The following PROB1 variants were observed in gnomAD, a reference collection of about 807,000 sequenced individuals.
PROB1 encodes proline-rich basic protein 1.
For missense variants in PROB1, 1,453 were observed against 1,485.7 expected (o/e 0.98, Z 0.36); for synonymous variants, 660 against 699.3 (o/e 0.94, Z 0.89).
At position 139,394,647 on chromosome 5, in the gene PROB1, C is replaced by G; in HGVS notation, c.435G>C (p.Pro145=). The change falls in exon 1 of 1, where the codon CCG becomes CCC. Residue 145 remains proline (P), a synonymous_variant. Transcript: ENST00000434752. Reference sequence around the variant, plus strand: ...CCGCGGCGGGAGACGCTGGCCCCGGCGGCAAGGGGCTGATGAAGGCCGGCT... The same window carrying G: ...CCGCGGCGGGAGACGCTGGCCCCGGGGGCAAGGGGCTGATGAAGGCCGGCT... ...FTEPAFISPL[P]PGPASPAAVP... is the part of the protein sequence containing the mutation. 6.5e-7 allele frequency: 1 copy of G among 1,534,650 alleles called. No individual in the cohort carries two copies. Among genetic ancestry groups the G allele is most frequent in the Non-Finnish European group, 8.7e-7 (1 of 1,145,516 alleles).
chr5:139,393,085 T>C lies in PROB1; in HGVS notation c.1997A>G (p.Gln666Arg), dbSNP rs1366527864. 1 of 1,526,554 alleles carries C rather than the reference T, an allele frequency of 6.6e-7. No homozygotes were observed. Among genetic ancestry groups the C allele is most frequent in the Non-Finnish European group, 8.8e-7 (1 of 1,134,716 alleles). The allele number at this position is 1,526,554 out of a possible 1,614,324, so 94.6% of individuals were successfully genotyped here. A position where few individuals can be genotyped will look rare whatever the true frequency, so the allele number is the denominator to read the frequency against. The change falls in exon 1 of 1, where the codon CAA becomes CGA. Residue 666 changes from glutamine to arginine, a missense_variant. Gln to Arg is a conservative substitution (Grantham distance 43). Transcript: ENST00000434752. The part of the protein sequence containing the change: ...CGEEGGESKT[Q>R]EPPALGPPAP... ...GGGGGGCCCCAGTGCTGGCGGCTCT[T>C]GCGTCTTGGATTCGCCGCCCTCCTC... is the stretch of plus-strand genomic sequence containing the variant.
At position 139,392,122 on chromosome 5, in the gene PROB1, G is replaced by C. The variant is rs1758608085; in HGVS notation, c.2960C>G (p.Pro987Arg). The C allele has an allele frequency of 7.1e-7, 1 of 1,411,984 alleles. No homozygotes were observed. Among genetic ancestry groups the C allele is most frequent in the Non-Finnish European group, 9.3e-7 (1 of 1,078,818 alleles). The allele number at this position is 1,411,984 out of a possible 1,614,324, so 87.5% of individuals were successfully genotyped here. Residue 987 changes from proline (P) to arginine (R), a missense_variant, in exon 1 of 1, where the codon CCC becomes CGC. Coordinates refer to ENST00000434752, the MANE Select transcript of PROB1 (RefSeq NM_001161546.2). This position sits in a 1 kb window ranked among gnomAD's most constrained non-coding sequence, Gnocchi z 5.8. ...GAGGAGCAGAGGAGGTGCGGGGTTGGGGGTCCCGCTCACCGGCAGGTAGTA... is the reference window on the plus strand; with the variant it reads ...GAGGAGCAGAGGAGGTGCGGGGTTGCGGGTCCCGCTCACCGGCAGGTAGTA... ...GTYYLPVSGT[P>R]NPAPPLLLCA...
In PROB1 at chr5:139,394,634, A is replaced by G. The variant is rs1758661904; in HGVS notation, c.448T>C (p.Ser150Pro). 6.5e-7 allele frequency: 1 copy of G among 1,534,206 alleles called. No homozygotes were observed. Among genetic ancestry groups the G allele is most frequent in the Admixed American group, 2.0e-5 (1 of 50,872 alleles). The change falls in exon 1 of 1, where the codon TCT (serine) becomes CCT (proline). Residue 150 changes from serine (S) to proline (P), a missense_variant. Physicochemically the swap from Ser to Pro is moderately conservative, Grantham distance 74. Coordinates refer to ENST00000434752, the MANE Select transcript of PROB1 (RefSeq NM_001161546.2). ...FISPLPPGPA[S>P]PAAVPRQSQV... ...GACTGGCGTGGGACCGCGGCGGGAGACGCTGGCCCCGGCGGCAAGGGGCTG... is the reference window on the plus strand; with the variant it reads ...GACTGGCGTGGGACCGCGGCGGGAGGCGCTGGCCCCGGCGGCAAGGGGCTG...
rs995948065 is a variant in PROB1 at position 139,392,287 on chromosome 5, G to A, written c.2795C>T (p.Pro932Leu). ...SPGPPHRVYT[P>L]LALGLGLYPP... The stretch of plus-strand genomic sequence containing the variant: ...GTAGAGGCCGAGCCCCAGGGCCAGA[G>A]GGGTGTAGACGCGGTGGGGCGGCCC... Residue 932 changes from proline to leucine, a missense_variant, in exon 1 of 1, where the codon CCT becomes CTT. Pro to Leu is a moderately conservative substitution (Grantham distance 98). Transcript: ENST00000434752. This position sits in a 1 kb window ranked among gnomAD's most constrained non-coding sequence, Gnocchi z 5.8. 8 of 1,526,614 alleles carry A rather than the reference G, an allele frequency of 5.2e-6. No homozygotes were observed. The highest frequency in any genetic ancestry group is 4.1e-5 in the Admixed American group (2 of 48,590). The allele number at this position is 1,526,614 out of a possible 1,614,324, so 94.6% of individuals were successfully genotyped here.
In PROB1 at chr5:139,391,929, T is replaced by C. The variant is rs1196286093; in HGVS notation, c.*105A>G. 6 of 887,836 alleles carry C rather than the reference T, an allele frequency of 6.8e-6. No individual in the cohort carries two copies. The highest frequency in any genetic ancestry group is 9.0e-6 in the Non-Finnish European group (6 of 664,716). The allele number at this position is 887,836 out of a possible 1,614,324, so 55.0% of individuals were successfully genotyped here. A position where few individuals can be genotyped will look rare whatever the true frequency, so the allele number is the denominator to read the frequency against. On this transcript the variant is annotated 3_prime_UTR_variant, in exon 1 of 1. Coordinates refer to ENST00000434752, the MANE Select transcript of PROB1 (RefSeq NM_001161546.2). The surrounding 1 kb of genome is among the most constrained non-coding windows in gnomAD (Gnocchi z 4.8). ...CTTCCTGTCCGACGACTGACTGGGA[T>C]GGGTTAAAGACAGAGGCGACGGAAG...
chr5:139,391,679 C>T lies in PROB1; in HGVS notation c.*355G>A, dbSNP rs1293884684. 2 of 198,788 alleles carry T rather than the reference C, an allele frequency of 1.0e-5. No homozygotes were observed. The highest frequency in any genetic ancestry group is 4.6e-5 in the African/African-American group (2 of 43,302). The allele number at this position is 198,788 out of a possible 1,614,324, so 12.3% of individuals were successfully genotyped here. A position where few individuals can be genotyped will look rare whatever the true frequency, so the allele number is the denominator to read the frequency against. On this transcript the variant is annotated 3_prime_UTR_variant, in exon 1 of 1. Coordinates refer to ENST00000434752, the MANE Select transcript of PROB1 (RefSeq NM_001161546.2). This position sits in a 1 kb window ranked among gnomAD's most constrained non-coding sequence, Gnocchi z 4.8. ...CTGCTGCCCCACGGCAGCCACAGCA[C>T]CTCCTCTGATCGGCTCCTGGGGACA...
Position 139,392,607 on chromosome 5 carries a change from G to T in PROB1, c.2475C>A (p.Pro825=), listed in dbSNP as rs962076106. 1.5e-6 allele frequency: 2 copies of T among 1,370,394 alleles called. No individual in the cohort carries two copies. Among genetic ancestry groups the T allele is most frequent in the Non-Finnish European group, 9.4e-7 (1 of 1,065,232 alleles). 84.9% of individuals were successfully genotyped at this position (1,370,394 alleles called of 1,614,324 possible). Residue 825 remains proline (P), a synonymous_variant, in exon 1 of 1, where the codon CCC becomes CCA. Transcript: ENST00000434752. This position sits in a 1 kb window ranked among gnomAD's most constrained non-coding sequence, Gnocchi z 5.8. ...APKPKTPPTA[P]EPAAAVQAPL... The stretch of plus-strand genomic sequence containing the variant: ...GCGCCTGGACGGCAGCCGCGGGCTC[G>T]GGGGCCGTAGGTGGTGTCTTCGGTT...
Position 139,394,950 on chromosome 5 carries a change from CG to C in PROB1, c.131del (p.Pro44ArgfsTer128), listed in dbSNP as rs1484263051. The C allele has an allele frequency of 6.6e-7, 1 of 1,521,342 alleles. No individual in the cohort carries two copies. 94.2% of individuals were successfully genotyped at this position (1,521,342 alleles called of 1,614,324 possible). On this transcript the variant is annotated frameshift_variant, in exon 1 of 1. Transcript: ENST00000434752. LOFTEE classifies it low-confidence loss of function (END_TRUNC). Reference sequence around the variant, plus strand: ...GGCCTTTCGCGTCCGGCCCAACGTCCGGGGGCTCCGGAGAACCTGGAGCCGT... The same window carrying C: ...GGCCTTTCGCGTCCGGCCCAACGTCCGGGGCTCCGGAGAACCTGGAGCCGT... ...YYTAPGSPEP[P>X]DVGPDAKGPA...
chr5:139,394,337 C>G lies in PROB1; in HGVS notation c.745G>C (p.Gly249Arg). 6.9e-7 allele frequency: 1 copy of G among 1,444,082 alleles called. No homozygotes were observed. The highest frequency in any genetic ancestry group is 9.1e-7 in the Non-Finnish European group (1 of 1,103,178). 89.5% of individuals were successfully genotyped at this position (1,444,082 alleles called of 1,614,324 possible). Residue 249 changes from glycine (G) to arginine (R), a missense_variant, in exon 1 of 1, where the codon GGC becomes CGC. Gly to Arg is a moderately radical substitution (Grantham distance 125). Transcript: ENST00000434752. ...ESLGPLQAAAGFVQTALARKL... is the reference protein window; with the variant it reads ...ESLGPLQAAARFVQTALARKL... ...CTGGCCAACGCCGTCTGCACGAAGC[C>G]CGCGGCGGCCTGCAGGGGGCCCAGC...
chr5:139,393,128 G>C lies in PROB1; in HGVS notation c.1954C>G (p.Pro652Ala). Residue 652 changes from proline to alanine, a missense_variant, in exon 1 of 1, where the codon CCT becomes GCT. Physicochemically the swap from Pro to Ala is conservative, Grantham distance 27 (BLOSUM62 -1). Coordinates refer to ENST00000434752, the MANE Select transcript of PROB1 (RefSeq NM_001161546.2). ...GAQGSGLPAPPADPCGEEGGE... is the reference protein window; with the variant it reads ...GAQGSGLPAPAADPCGEEGGE... ...CCCTCCTCCCCGCAGGGGTCGGCAG[G>C]AGGCGCAGGCAGCCCAGAGCCTTGT... 6.5e-7 allele frequency: 1 copy of C among 1,531,640 alleles called. No homozygotes were observed. The highest frequency in any genetic ancestry group is 1.2e-5 in the South Asian group (1 of 82,046). 94.9% of individuals were successfully genotyped at this position (1,531,640 alleles called of 1,614,324 possible). A position where few individuals can be genotyped will look rare whatever the true frequency, so the allele number is the denominator to read the frequency against.
In PROB1 at chr5:139,392,002, G is replaced by T; in HGVS notation, c.*32C>A. ...TGCCAGAACCTCCCAGGCATCCAAG[G>T]GCTCCAACTCCATGGGGATCGGCCC... On this transcript the variant is annotated 3_prime_UTR_variant, in exon 1 of 1. Transcript: ENST00000434752. This position sits in a 1 kb window ranked among gnomAD's most constrained non-coding sequence, Gnocchi z 5.8. The T allele has an allele frequency of 4.5e-6, 6 of 1,343,372 alleles. No homozygotes were observed. Among genetic ancestry groups the T allele is most frequent in the Non-Finnish European group, 5.8e-6 (6 of 1,041,000 alleles). 83.2% of individuals were successfully genotyped at this position (1,343,372 alleles called of 1,614,324 possible).
In PROB1 at chr5:139,395,059, G is replaced by A. The variant is rs1410499837; in HGVS notation, c.23C>T (p.Pro8Leu). MLTALAP[P>L]ALPGIPRQLP... ...CTGCCTCGGGATCCCAGGCAGGGCTGGCGGGGCGAGCGCGGTCAGCATGGT... is the reference window on the plus strand; with the variant it reads ...CTGCCTCGGGATCCCAGGCAGGGCTAGCGGGGCGAGCGCGGTCAGCATGGT... The change falls in exon 1 of 1, where the codon CCA becomes CTA. Residue 8 changes from proline (P) to leucine (L), a missense_variant. Pro to Leu is a moderately conservative substitution (Grantham distance 98). Transcript: ENST00000434752. 1 of 1,416,736 alleles carries A rather than the reference G, an allele frequency of 7.1e-7. No homozygotes were observed. Among genetic ancestry groups the A allele is most frequent in the Non-Finnish European group, 9.2e-7 (1 of 1,086,188 alleles). 87.8% of individuals were successfully genotyped at this position (1,416,736 alleles called of 1,614,324 possible). A position where few individuals can be genotyped will look rare whatever the true frequency, so the allele number is the denominator to read the frequency against.
Position 139,394,904 on chromosome 5 carries a change from C to T in PROB1, c.178G>A (p.Ala60Thr), listed in dbSNP as rs1362826442. 2 of 1,508,692 alleles carry T rather than the reference C, an allele frequency of 1.3e-6. No individual in the cohort carries two copies. The highest frequency in any genetic ancestry group is 8.8e-7 in the Non-Finnish European group (1 of 1,130,286). The allele number at this position is 1,508,692 out of a possible 1,614,324, so 93.5% of individuals were successfully genotyped here. The change falls in exon 1 of 1, where the codon GCT becomes ACT. Residue 60 changes from alanine (A) to threonine (T), a missense_variant. Coordinates refer to ENST00000434752, the MANE Select transcript of PROB1 (RefSeq NM_001161546.2). Reference protein sequence around the residue: ...AKGPANWPWVAPGRGAGAQPR... With the variant: ...AKGPANWPWVTPGRGAGAQPR... ...TGCGCGCCCGCCCCCCGCCCAGGAG[C>T]CACCCAGGGCCAATTCGCTGGGCCT...
Position 139,394,743 on chromosome 5 carries a change from GA to G in PROB1, c.338del (p.Val113AlafsTer59). On this transcript the variant is annotated frameshift_variant, in exon 1 of 1. Coordinates refer to ENST00000434752, the MANE Select transcript of PROB1 (RefSeq NM_001161546.2). LOFTEE classifies it low-confidence loss of function (END_TRUNC). Reference protein sequence around the residue: ...LRTLPSGEMEVIFGVGPLFGC... With the variant: ...LRTLPSGEMEXIFGVGPLFGC... ...CGAACAGGGGTCCGACGCCGAAGAT[GA>G]CTTCCATCTCCCCCGACGGCAGCGT... is the stretch of plus-strand genomic sequence containing the variant. 1 of 1,534,124 alleles carries G rather than the reference GA, an allele frequency of 6.5e-7. No homozygotes were observed. Among genetic ancestry groups the G allele is most frequent in the Non-Finnish European group, 8.7e-7 (1 of 1,143,774 alleles).
chr5:139,392,227 A>C lies in PROB1; in HGVS notation c.2855T>G (p.Leu952Arg). 1 of 1,447,472 alleles carries C rather than the reference A, an allele frequency of 6.9e-7. No homozygotes were observed. The highest frequency in any genetic ancestry group is 9.1e-7 in the Non-Finnish European group (1 of 1,094,004). 89.7% of individuals were successfully genotyped at this position (1,447,472 alleles called of 1,614,324 possible). A position where few individuals can be genotyped will look rare whatever the true frequency, so the allele number is the denominator to read the frequency against. The change falls in exon 1 of 1, where the codon CTG becomes CGG. Residue 952 changes from leucine to arginine, a missense_variant. Leu to Arg is a moderately radical substitution (Grantham distance 102). Transcript: ENST00000434752. This position sits in a 1 kb window ranked among gnomAD's most constrained non-coding sequence, Gnocchi z 5.8. ...GGCCTGCGGGCCCGGGGACGGTGGC[A>C]GAGAGAGGCTGGGTATAGGCCCATA... ...PAYGPIPSLS[L>R]PPSPGPQALG...
rs905137839 is a variant in PROB1, at chr5:139,393,223, G to A, written c.1859C>T (p.Ala620Val). The stretch of plus-strand genomic sequence containing the variant: ...GCGCACGTCTCGAGGCCGCGGAATG[G>A]CCATGCGCGGGCGTCCCGAGGCCGC... Reference protein sequence around the residue: ...GEAASGRPRMAIPRPRDVRKL... With the variant: ...GEAASGRPRMVIPRPRDVRKL... Residue 620 changes from alanine (A) to valine (V), a missense_variant, in exon 1 of 1, where the codon GCC becomes GTC. Physicochemically the swap from Ala to Val is moderately conservative, Grantham distance 64. Transcript: ENST00000434752. 5 of 1,549,034 alleles carry A rather than the reference G, an allele frequency of 3.2e-6. No individual in the cohort carries two copies. Among genetic ancestry groups the A allele is most frequent in the African/African-American group, 1.4e-5 (1 of 73,048 alleles).
At position 139,392,889 on chromosome 5, in the gene PROB1, T is replaced by C. The variant is rs1287036386; in HGVS notation, c.2193A>G (p.Thr731=). ...CCAGGGCCCCAGGCAGGCGGATCTC[T>C]GTGCGCTTGAAGGGCTTCGCCGTGC... ...ENSTAKPFKR[T]EIRLPGALAL... Residue 731 remains threonine (T), a synonymous_variant, in exon 1 of 1, where the codon ACA becomes ACG. Coordinates refer to ENST00000434752, the MANE Select transcript of PROB1 (RefSeq NM_001161546.2). The surrounding 1 kb of genome is among the most constrained non-coding windows in gnomAD (Gnocchi z 5.8). The C allele has an allele frequency of 1.9e-6, 3 of 1,544,366 alleles. No homozygotes were observed. Among genetic ancestry groups the C allele is most frequent in the Non-Finnish European group, 2.6e-6 (3 of 1,143,734 alleles).
chr5:139,393,206 C>T lies in PROB1; in HGVS notation c.1876G>A (p.Asp626Asn). Reference sequence around the variant, plus strand: ...GTGGTCTTCACCAACTTGCGCACGTCTCGAGGCCGCGGAATGGCCATGCGC... The same window carrying T: ...GTGGTCTTCACCAACTTGCGCACGTTTCGAGGCCGCGGAATGGCCATGCGC... ...RPRMAIPRPR[D>N]VRKLVKTTYA... Residue 626 changes from aspartate to asparagine, a missense_variant, in exon 1 of 1, where the codon GAC becomes AAC. Transcript: ENST00000434752. 6.5e-7 allele frequency: 1 copy of T among 1,549,540 alleles called. No individual in the cohort carries two copies. The highest frequency in any genetic ancestry group is 8.7e-7 in the Non-Finnish European group (1 of 1,146,856).
rs770336987 is a variant in PROB1 at position 139,394,379 on chromosome 5, C to T, written c.703G>A (p.Gly235Ser). 2 of 1,407,528 alleles carry T rather than the reference C, an allele frequency of 1.4e-6. No individual in the cohort carries two copies. Among genetic ancestry groups the T allele is most frequent in the Non-Finnish European group, 9.2e-7 (1 of 1,089,112 alleles). The allele number at this position is 1,407,528 out of a possible 1,614,324, so 87.2% of individuals were successfully genotyped here. The change falls in exon 1 of 1, where the codon GGT becomes AGT. Residue 235 changes from glycine (G) to serine (S), a missense_variant. Gly to Ser is a moderately conservative substitution (Grantham distance 56, BLOSUM62 0). Transcript: ENST00000434752. ...GGGCCCAGCGACTCGTCCAGGGAACCGGTGCGCAGGAGCAGCCGGGGGCGC... is the reference window on the plus strand; with the variant it reads ...GGGCCCAGCGACTCGTCCAGGGAACTGGTGCGCAGGAGCAGCCGGGGGCGC... ...APRPRLLLRT[G>S]SLDESLGPLQ...
Sources: allele counts gnomAD v4.1 joint callset, GRCh38; gene constraint gnomAD v4.1.1; non-coding constraint Gnocchi (gnomAD v3.1); transcripts MANE v1.5; gene names NCBI Gene and HGNC (gene_info 2026-07-23, HGNC 2026-07-21).